RGS7BP: variants seen among roughly 807,000 people sequenced by gnomAD.
RGS7BP encodes the protein regulator of G protein signaling 7-binding protein.
Under a neutral mutation model 31.3 loss-of-function variants are expected in RGS7BP, and 9 were observed. That is an observed-to-expected ratio of 0.29 (90% CI 0.17 to 0.50). The LOEUF (loss-of-function observed/expected upper bound fraction) is 0.50. Ranked by LOEUF, RGS7BP falls within the 20% of genes least tolerant of loss-of-function variation. The pLI, the probability that RGS7BP is intolerant of heterozygous loss-of-function variation, is 0.98. For synonymous variants in RGS7BP, 115 were observed against 120.1 expected (o/e 0.96, Z 0.28); for missense variants, 274 against 322.0 (o/e 0.85, Z 1.14).
intron 2 of RGS7BP, among the ~76,000 whole-genome samples, chr5:64,573,144 G>A (rs1331303084): frequency 6.6e-6 from 1 of 151,630 alleles, no homozygotes; most frequent in South Asian, 2.1e-4. Context: ...CAAAGGACAT[G>A]AACTCATCAT....
intron 3 of RGS7BP, among the ~76,000 whole-genome samples, chr5:64,590,056 A>T (rs1482621590): frequency 6.6e-6 from 1 of 152,050 alleles, no homozygotes; most frequent in Non-Finnish European, 1.5e-5. Flanking sequence ...TATATATTAA[A>T]TAATAGTATA....
At chr5:64,515,872 C>T (rs1438735606) in intron 2 of RGS7BP, among the ~76,000 whole-genome samples, 3 of 151,648 alleles carry the variant, frequency 2.0e-5, no homozygotes, top group Admixed American at 2.0e-4. Context: ...TGAGGTCTCA[C>T]TCTGCTGATA....
chr5:64,535,929 A>C (rs931726670), intron 2 of RGS7BP, among the ~76,000 whole-genome samples: 4 of 152,218 alleles, frequency 2.6e-5, no homozygotes, highest in Non-Finnish European at 5.9e-5. Context: ...AGTCTTGAAA[A>C]GACTTAGTTG....
At chr5:64,507,449 CTG>C (rs1748724435) in intron 1 of RGS7BP, among the ~76,000 whole-genome samples, 1 of 152,154 alleles carries the variant, frequency 6.6e-6, no homozygotes, top group Non-Finnish European at 1.5e-5. Flanking sequence ...TCTTCAGAAA[CTG>C]AGTCTGAAAG....
chr5:64,561,843 ATGTC>A (rs1742063918), intron 2 of RGS7BP, among the ~76,000 whole-genome samples: 2 of 148,130 alleles, frequency 1.4e-5, no homozygotes, highest in South Asian at 4.1e-4. Context: ...TCCTGCCCAT[ATGTC>A]TGTCTGCCTG....
intron 2 of RGS7BP, among the ~76,000 whole-genome samples, chr5:64,539,076 A>C (rs1474885793): frequency 1.3e-5 from 2 of 152,134 alleles, no homozygotes; most frequent in African/African-American, 4.8e-5. Flanking sequence ...GCCCATTTTA[A>C]AAGTGTAGAG....
chr5:64,541,538 C>T (rs1479447232), intron 2 of RGS7BP, among the ~76,000 whole-genome samples: 1 of 152,236 alleles, frequency 6.6e-6, no homozygotes. Flanking sequence ...GTGGAGATGA[C>T]AGCAACTGCA....
intron 5 of RGS7BP, among the ~76,000 whole-genome samples, chr5:64,607,694 A>G (rs1487412036): frequency 6.6e-6 from 1 of 152,026 alleles, no homozygotes; most frequent in Non-Finnish European, 1.5e-5. Flanking sequence ...AGTCTGTTTT[A>G]TCAGTCTTAA....
intron 2 of RGS7BP, among the ~76,000 whole-genome samples, chr5:64,533,626 A>G (rs2111930484): frequency 6.6e-6 from 1 of 152,314 alleles, no homozygotes; most frequent in South Asian, 2.1e-4. Context: ...AAACATAAAG[A>G]TCATCACCTC....
Position 64,537,480 on chromosome 5 carries a change from A to G in RGS7BP, c.332+29603A>G, listed in dbSNP as rs536424078. Among the ~76,000 whole-genome samples the G allele has an allele frequency of 3.4e-4, 51 of 152,196 alleles. 2 individuals are homozygous for G. In the South Asian group the frequency reaches 0.011, roughly 32 times the overall value. On this transcript the variant is annotated intron_variant, in intron 2 of 5. Transcript: ENST00000334025. ...ATATATAGTTAGCGTTGAATTTTTA[A>G]CCACCCAATTACCTGTCTTGGTAAA...
chr5:64,542,877 C>G (rs1490934236), intron 2 of RGS7BP, among the ~76,000 whole-genome samples: 1 of 152,212 alleles, frequency 6.6e-6, no homozygotes, highest in African/African-American at 2.4e-5. Flanking sequence ...TATGCACTGT[C>G]TCCTTTTGGC....
intron 2 of RGS7BP, among the ~76,000 whole-genome samples, chr5:64,525,640 G>T (rs1210061184): frequency 6.6e-6 from 1 of 152,168 alleles, no homozygotes; most frequent in Non-Finnish European, 1.5e-5. Context: ...GCCCTGAGAG[G>T]TGAGGTGACT....
chr5:64,532,331 T>C (rs531812433), intron 2 of RGS7BP, among the ~76,000 whole-genome samples: 1 of 152,032 alleles, frequency 6.6e-6, no homozygotes, highest in Non-Finnish European at 1.5e-5. Flanking sequence ...GTACCTGGGT[T>C]GTATCAGCCC....
chr5:64,506,809 C>CTTTTT lies in RGS7BP; in HGVS notation c.165+31_165+35dup. On this transcript the variant is annotated intron_variant, in intron 1 of 5. Transcript: ENST00000334025. The surrounding 1 kb of genome is among the most constrained non-coding windows in gnomAD (Gnocchi z 4.6). ...AAGATGGTGGGTGAAAACTGCGCCT[C>CTTTTT]TTTTTTTTTTTTTTTAATTGAGAGG... 3.8e-6 allele frequency: 5 copies of CTTTTT among 1,326,578 alleles called. No homozygotes were observed. The highest frequency in any genetic ancestry group is 5.0e-6 in the Non-Finnish European group (5 of 1,001,726). 82.2% of individuals were successfully genotyped at this position (1,326,578 alleles called of 1,614,324 possible). A position where few individuals can be genotyped will look rare whatever the true frequency, so the allele number is the denominator to read the frequency against.
intron 5 of RGS7BP, among the ~76,000 whole-genome samples, chr5:64,600,437 T>C (rs1743188620): frequency 6.6e-6 from 1 of 152,204 alleles, no homozygotes; most frequent in South Asian, 2.1e-4. Context: ...GAATATGATA[T>C]AAATATTTTA....
chr5:64,523,313 G>A (rs1414514064), intron 2 of RGS7BP, among the ~76,000 whole-genome samples: 1 of 150,364 alleles, frequency 6.7e-6, no homozygotes, highest in Non-Finnish European at 1.5e-5. Context: ...GATTCCCATG[G>A]GGAAATATTG....
At chr5:64,594,688 A>G (rs1314323293) in intron 3 of RGS7BP, 22 bp from the exon 4 acceptor site, 2 of 1,612,964 alleles carry the variant, frequency 1.2e-6, no homozygotes. Context: ...TCTTCTCTTT[A>G]CCAACACCCT....
intron 2 of RGS7BP, among the ~76,000 whole-genome samples, chr5:64,560,977 G>C (rs1742041659): frequency 6.6e-6 from 1 of 152,100 alleles, no homozygotes; most frequent in Non-Finnish European, 1.5e-5. Context: ...AGCACAAAAA[G>C]TTAGAGAGGG....
intron 3 of RGS7BP, among the ~76,000 whole-genome samples, chr5:64,579,688 T>C (rs1742537993): frequency 6.6e-6 from 1 of 151,088 alleles, no homozygotes. Flanking sequence ...TGAAAATATA[T>C]ACTAGACAAA....
Sources: allele counts gnomAD v4.1 joint callset (sites outside exome capture counted in the v4.1 genomes callset), GRCh38; gene constraint gnomAD v4.1.1; non-coding constraint Gnocchi (gnomAD v3.1); transcripts MANE v1.5; gene names NCBI Gene and HGNC (gene_info 2026-07-23, HGNC 2026-07-21).